Variants in DNAAF4 observed in about 807,000 individuals in gnomAD.
The protein encoded by DNAAF4 is dynein assembly factor 4, axonemal.
DNAAF4 carries 43 observed loss-of-function variants against 51.8 expected under a neutral mutation model. The ratio of observed to expected loss-of-function variants is 0.83; its 90% CI spans 0.65 to 1.07. The LOEUF (loss-of-function observed/expected upper bound fraction) is 1.07, where lower values mean the gene tolerates loss of function less well. Among genes scored for constraint, DNAAF4 ranks in the 50% least tolerant of loss-of-function variants. The probability of loss-of-function intolerance (pLI) is 0.00; values close to 1 mark genes in which losing one functional copy is unlikely to be tolerated. For missense variants in DNAAF4, 581 were observed against 493.0 expected, an observed-to-expected ratio of 1.18 and a Z score of -1.69; for synonymous variants, 194 against 165.6, an observed-to-expected ratio of 1.17 and a Z score of -1.32.
intron 7 of DNAAF4, among the ~76,000 whole-genome samples, chr15:55,437,509 C>A (rs549225505): frequency 2.0e-5 from 3 of 151,602 alleles, no homozygotes; most frequent in Non-Finnish European, 2.9e-5. Flanking sequence ...TGCCCCCCGC[C>A]CCCCAAAAAA....
chr15:55,443,234 C>G, intron 6 of DNAAF4: 2 of 1,608,080 alleles, frequency 1.2e-6, no homozygotes, highest in Admixed American at 3.3e-5. Flanking sequence ...TTAAGAATGA[C>G]TTCCTCAGAA....
intron 6 of DNAAF4, among the ~76,000 whole-genome samples, chr15:55,443,731 T>C (rs2057752776): frequency 6.6e-6 from 1 of 152,216 alleles, no homozygotes; most frequent in Non-Finnish European, 1.5e-5. Flanking sequence ...TTTTTAATGA[T>C]CGCCATTCTA....
intron 4 of DNAAF4, among the ~76,000 whole-genome samples, chr15:55,472,123 A>G (rs1031009444): frequency 4.6e-5 from 7 of 152,256 alleles, no homozygotes; most frequent in Non-Finnish European, 8.8e-5. Flanking sequence ...TACAGGCGTG[A>G]GCCACCGTGC....
Position 55,430,536 on chromosome 15 carries a change from A to C in DNAAF4, c.*134T>G. 7.7e-7 allele frequency: 1 copy of C among 1,293,540 alleles called. No homozygotes were observed. Among genetic ancestry groups the C allele is most frequent in the East Asian group, 3.1e-5 (1 of 32,404 alleles). The allele number at this position is 1,293,540 out of a possible 1,614,324, so 80.1% of individuals were successfully genotyped here. ...CAAACAGTTTATTTTCTATAGATTTATAATATTTTGCCCTCAACAGAACTA... is the reference window on the plus strand; with the variant it reads ...CAAACAGTTTATTTTCTATAGATTTCTAATATTTTGCCCTCAACAGAACTA... On this transcript the variant is annotated 3_prime_UTR_variant, in exon 10 of 10. Transcript: ENST00000321149.
intron 8 of DNAAF4, among the ~76,000 whole-genome samples, chr15:55,433,741 ATT>A (rs1156749090): frequency 2.4e-5 from 3 of 126,218 alleles, no homozygotes; most frequent in Non-Finnish European, 3.2e-5. Context: ...ATATATAATT[ATT>A]TGTTTTTTAT....
intron 7 of DNAAF4, among the ~76,000 whole-genome samples, chr15:55,437,499 T>G (rs967516326): frequency 6.6e-6 from 1 of 151,966 alleles, no homozygotes; most frequent in Non-Finnish European, 1.5e-5. Context: ...AGACAGATAA[T>G]GCCCCCCGCC....
intron 5 of DNAAF4, among the ~76,000 whole-genome samples, chr15:55,453,993 G>C (rs1238809079): frequency 6.6e-6 from 1 of 152,072 alleles, no homozygotes; most frequent in Non-Finnish European, 1.5e-5. Flanking sequence ...AATAGCTGAG[G>C]AAGATAAAGA....
At chr15:55,493,988 T>A (rs1017817253) in intron 3 of DNAAF4, among the ~76,000 whole-genome samples, 9 of 151,700 alleles carry the variant, frequency 5.9e-5, no homozygotes, top group Non-Finnish European at 1.3e-4. Context: ...ACTTTAGGCA[T>A]GAGCCACTGT....
intron 5 of DNAAF4, among the ~76,000 whole-genome samples, chr15:55,451,695 C>A (rs188972999): frequency 6.6e-6 from 1 of 151,848 alleles, no homozygotes; most frequent in Non-Finnish European, 1.5e-5. Flanking sequence ...CACACTGCAG[C>A]TTTGAACCCC....
chr15:55,505,709 T>G (rs1217858477), intron 1 of DNAAF4, among the ~76,000 whole-genome samples: 1 of 149,198 alleles, frequency 6.7e-6, no homozygotes, highest in African/African-American at 2.5e-5. Context: ...AAGTGGGAGT[T>G]GAAAAATGAG....
At chr15:55,441,279 C>T (rs1161757586) in intron 6 of DNAAF4, among the ~76,000 whole-genome samples, 1 of 150,340 alleles carries the variant, frequency 6.7e-6, no homozygotes, top group Non-Finnish European at 1.5e-5. Flanking sequence ...ACCATATTGG[C>T]CAGGCTGGTC....
intron 8 of DNAAF4, among the ~76,000 whole-genome samples, chr15:55,434,124 T>C (rs1367995542): frequency 7.2e-6 from 1 of 139,760 alleles, no homozygotes. Flanking sequence ...GTTGTTCCTA[T>C]ATGGGATTCA....
rs150596845 is a variant in DNAAF4 at position 55,475,255 on chromosome 15, T to C, written c.406-8094A>G. 8.0e-4 allele frequency among the ~76,000 whole-genome samples: 121 copies of C among 152,030 alleles called. 2 individuals carry two copies. The highest frequency in any genetic ancestry group is 2.6e-3 in the African/African-American group (107 of 41,474). On this transcript the variant is annotated intron_variant, in intron 4 of 9. Coordinates refer to ENST00000321149, the MANE Select transcript of DNAAF4 (RefSeq NM_130810.4). ...CAGATTTTGTGGCAACATGAAGAGG[T>C]TGGCAATTCCCCTCCACAAATATTA...
intron 4 of DNAAF4, among the ~76,000 whole-genome samples, chr15:55,476,560 C>T (rs1258083044): frequency 6.6e-6 from 1 of 152,030 alleles, no homozygotes; most frequent in Non-Finnish European, 1.5e-5. Context: ...GCGTAAAAGA[C>T]AATACAAACA....
chr15:55,429,006 G>C (rs1424333870), downstream of DNAAF4, among the ~76,000 whole-genome samples: 1 of 151,690 alleles, frequency 6.6e-6, no homozygotes, highest in Non-Finnish European at 1.5e-5. Context: ...CAGACCACTT[G>C]AGGTCAGGAG....
chr15:55,499,723 G>A (rs1029587555), intron 1 of DNAAF4, among the ~76,000 whole-genome samples: 1 of 152,202 alleles, frequency 6.6e-6, no homozygotes, highest in African/African-American at 2.4e-5. Flanking sequence ...ATCTGGAATA[G>A]GGTAAATTGG....
At chr15:55,460,390 G>A (rs1363419478) in intron 5 of DNAAF4, among the ~76,000 whole-genome samples, 1 of 151,848 alleles carries the variant, frequency 6.6e-6, no homozygotes, top group East Asian at 1.9e-4. Context: ...ATGTTGGTCA[G>A]GCTGGTCTCA....
chr15:55,433,746 T>G (rs2057536521), intron 8 of DNAAF4, among the ~76,000 whole-genome samples: 1 of 124,694 alleles, frequency 8.0e-6, no homozygotes, highest in African/African-American at 3.0e-5. Flanking sequence ...TAATTATTTG[T>G]TTTTTATATA....
At chr15:55,418,716 CAT>C in intron 7 of DNAAF4, 1 of 568,270 alleles carries the variant, frequency 1.8e-6, no homozygotes, top group Non-Finnish European at 2.9e-6. Context: ...CTGATAACTA[CAT>C]GACAGTGACT....
Sources: gnomAD v4.1 joint callset for allele counts (sites outside exome capture counted in the v4.1 genomes callset) on GRCh38, gnomAD v4.1.1 for gene constraint, MANE v1.5 for transcripts, NCBI Gene and HGNC (gene_info 2026-07-23, HGNC 2026-07-21) for gene names.